NCOA7: variants seen among roughly 807,000 people sequenced by gnomAD.
NCOA7 encodes the protein 140 kDa estrogen receptor-associated protein.
In NCOA7, 45 loss-of-function variants were observed where a neutral mutation model predicts 104.3. The observed-to-expected ratio is 0.43, with a 90% CI of 0.34 to 0.55. The LOEUF (loss-of-function observed/expected upper bound fraction) is 0.55, where lower values mean the gene tolerates loss of function less well. Ranked by LOEUF, NCOA7 falls within the 20% of genes least tolerant of loss-of-function variation. The probability of loss-of-function intolerance (pLI) is 0.02; values close to 1 mark genes in which losing one functional copy is unlikely to be tolerated. For synonymous variants in NCOA7, 398 were observed against 402.3 expected (o/e 0.99, Z 0.13); for missense variants, 1,041 against 1,119.7 (o/e 0.93, Z 1.00).
In NCOA7 at chr6:125,919,290, G is replaced by A. The variant is rs766820949; in HGVS notation, c.2245-1653G>A. The A allele has an allele frequency of 2.5e-6, 4 of 1,612,358 alleles. No individual in the cohort carries two copies. In the South Asian group the frequency reaches 3.3e-5, roughly 13 times the overall value. ...CAGCGTGGCTACAAGTAACTGTGGTGTGGAAGCAGAGTAGAGAGAAAACTT... is the reference window on the plus strand; with the variant it reads ...CAGCGTGGCTACAAGTAACTGTGGTATGGAAGCAGAGTAGAGAGAAAACTT... On this transcript the variant is annotated intron_variant, in intron 11 of 15. Coordinates refer to ENST00000392477, the MANE Select transcript of NCOA7 (RefSeq NM_181782.5).
Position 125,889,437 on chromosome 6 carries a change from G to T in NCOA7, c.1383G>T (p.Met461Ile), listed in dbSNP as rs748195604. ...AAATAAACAATTCTGCCGTGGAAAT[G>T]CAGGTGCAGTCAGCCCTAGCCTTTT... ...ESQINNSAVE[M>I]QVQSALAFLG... The change falls in exon 9 of 16, where the codon ATG becomes ATT. Residue 461 changes from methionine to isoleucine, a missense_variant. Met to Ile is a conservative substitution (Grantham distance 10). Coordinates refer to ENST00000392477, the MANE Select transcript of NCOA7 (RefSeq NM_181782.5). 1.9e-6 allele frequency: 3 copies of T among 1,613,904 alleles called. No individual in the cohort carries two copies. The African/African-American group carries it at 4.0e-5, about 22-fold the overall frequency.
chr6:125,852,500 A>AT, intron 2 of NCOA7, among the ~76,000 whole-genome samples: 1 of 152,000 alleles, frequency 6.6e-6, no homozygotes, highest in Non-Finnish European at 1.5e-5. Flanking sequence ...GCCCAGAAGA[A>AT]TTTTTACTAG....
chr6:125,912,736 A>G (rs952825564), intron 10 of NCOA7, among the ~76,000 whole-genome samples: 1 of 152,206 alleles, frequency 6.6e-6, no homozygotes, highest in Non-Finnish European at 1.5e-5. Flanking sequence ...GCAAGTCTAG[A>G]CACATTCCAA....
chr6:125,826,492 A>AT (rs1365651453), intron 2 of NCOA7, among the ~76,000 whole-genome samples: 2 of 151,960 alleles, frequency 1.3e-5, no homozygotes, highest in Non-Finnish European at 2.9e-5. Flanking sequence ...AATAATGACC[A>AT]TTTTGGTTTT....
intron 1 of NCOA7, among the ~76,000 whole-genome samples, chr6:125,800,632 C>G (rs1424320300): frequency 6.6e-6 from 1 of 152,178 alleles, no homozygotes; most frequent in African/African-American, 2.4e-5. Flanking sequence ...TGTTAGTGTA[C>G]ATAACTCTGC....
intron 2 of NCOA7, among the ~76,000 whole-genome samples, chr6:125,831,847 A>G (rs965613941): frequency 6.6e-6 from 1 of 152,198 alleles, no homozygotes; most frequent in African/African-American, 2.4e-5. Flanking sequence ...CTGTTCCTAT[A>G]GACTTCTGTC....
upstream of NCOA7, among the ~76,000 whole-genome samples, chr6:125,789,659 G>T (rs1774650921): frequency 6.6e-6 from 1 of 152,022 alleles, no homozygotes; most frequent in Non-Finnish European, 1.5e-5. Context: ...AAATTAATAC[G>T]TGCTTAGTGC....
chr6:125,838,672 A>G (rs1345139175), intron 2 of NCOA7, among the ~76,000 whole-genome samples: 1 of 152,148 alleles, frequency 6.6e-6, no homozygotes, highest in Non-Finnish European at 1.5e-5. Flanking sequence ...AACTTCTCAG[A>G]GTTAGCCTCA....
Position 125,878,335 on chromosome 6 carries a change from A to G in NCOA7, c.424A>G (p.Asn142Asp), listed in dbSNP as rs769189920. 1.2e-6 allele frequency: 2 copies of G among 1,612,786 alleles called. No individual in the cohort carries two copies. The highest frequency in any genetic ancestry group is 1.7e-6 in the Non-Finnish European group (2 of 1,179,370). ...CACTCCCAATAAATTGGTGGAACTGAATAAACTTTTCACACATACTATTGT... is the reference window on the plus strand; with the variant it reads ...CACTCCCAATAAATTGGTGGAACTGGATAAACTTTTCACACATACTATTGT... ...NITPNKLVEL[N>D]KLFTHTIVPG... The change falls in exon 5 of 16, where the codon AAT (asparagine) becomes GAT (aspartate). Residue 142 changes from asparagine to aspartate, a missense_variant. By Grantham distance (23) the Asn-to-Asp change is conservative. Coordinates refer to ENST00000392477, the MANE Select transcript of NCOA7 (RefSeq NM_181782.5).
intron 2 of NCOA7, among the ~76,000 whole-genome samples, chr6:125,839,308 G>T (rs976715355): frequency 6.6e-6 from 1 of 152,046 alleles, no homozygotes; most frequent in African/African-American, 2.4e-5. Context: ...AGTAGAGATG[G>T]GGTTTCACCA....
At chr6:125,897,160 GTA>G (rs926898297) in intron 10 of NCOA7, among the ~76,000 whole-genome samples, 1 of 152,234 alleles carries the variant, frequency 6.6e-6, no homozygotes, top group African/African-American at 2.4e-5. Context: ...TATGTTGCGT[GTA>G]TATACCTGAT....
intron 1 of NCOA7, among the ~76,000 whole-genome samples, chr6:125,791,755 A>G (rs1364706355): frequency 2.0e-5 from 3 of 152,140 alleles, no homozygotes; most frequent in Non-Finnish European, 4.4e-5. Context: ...ATTCTGCTGG[A>G]AAGATGTACC....
Position 125,855,106 on chromosome 6 carries a change from A to G in NCOA7, c.137A>G (p.Asn46Ser). The change falls in exon 3 of 16, where the codon AAT (asparagine) becomes AGT (serine). Residue 46 changes from asparagine to serine, a missense_variant. Asn to Ser is a conservative substitution (Grantham distance 46). Transcript: ENST00000392477. The stretch of plus-strand genomic sequence containing the variant: ...ACTCATACTGGGAAGGAAGATAATA[A>G]TACAGTAGTTTTAGAGCCAGACAAG... ...TRTHTGKEDN[N>S]TVVLEPDKCN... 1 of 1,613,448 alleles carries G rather than the reference A, an allele frequency of 6.2e-7. No individual in the cohort carries two copies. Among genetic ancestry groups the G allele is most frequent in the South Asian group, 1.1e-5 (1 of 91,076 alleles).
chr6:125,916,297 G>A (rs377559504), intron 11 of NCOA7, among the ~76,000 whole-genome samples: 7 of 152,152 alleles, frequency 4.6e-5, no homozygotes, highest in Admixed American at 4.6e-4. Flanking sequence ...CAGCTATGTG[G>A]AACTGTGAGC....
At chr6:125,897,533 C>G (rs1240616859) in intron 10 of NCOA7, among the ~76,000 whole-genome samples, 1 of 152,134 alleles carries the variant, frequency 6.6e-6, no homozygotes, top group African/African-American at 2.4e-5. Context: ...TAATAGCACA[C>G]AGTTAATTTT....
chr6:125,788,324 A>G (rs1292631649), upstream of NCOA7, among the ~76,000 whole-genome samples: 2 of 152,236 alleles, frequency 1.3e-5, no homozygotes, highest in African/African-American at 2.4e-5. Context: ...CGATTTATCT[A>G]TAAAGCCAAG....
intron 10 of NCOA7, among the ~76,000 whole-genome samples, chr6:125,896,867 T>TA (rs1785064586): frequency 6.6e-6 from 1 of 152,388 alleles, no homozygotes; most frequent in Middle Eastern, 3.4e-3. Flanking sequence ...AAAAGTATTC[T>TA]AAAGTGCTGT....
intron 13 of NCOA7, among the ~76,000 whole-genome samples, chr6:125,925,658 T>C (rs981908585): frequency 3.3e-5 from 5 of 152,242 alleles, no homozygotes; most frequent in Admixed American, 1.3e-4. Context: ...AGCAATAGAT[T>C]GTTATGATTA....
rs1683156369 is a variant in NCOA7, at chr6:125,802,277, G to A, written c.-65+11210G>A. 3 of 152,138 alleles carry A rather than the reference G, an allele frequency of 2.0e-5. No individual in the cohort carries two copies. In the South Asian group the frequency reaches 6.2e-4, roughly 32 times the overall value. 9.4% of individuals were successfully genotyped at this position (152,138 alleles called of 1,614,324 possible). A position where few individuals can be genotyped will look rare whatever the true frequency, so the allele number is the denominator to read the frequency against. ...CATAATTGTCTCCAAACCGCAGTGG[G>A]TTATATACACAAATATGTATTTCAC... On this transcript the variant is annotated intron_variant, in intron 1 of 15. Coordinates refer to ENST00000392477, the MANE Select transcript of NCOA7 (RefSeq NM_181782.5).
Sources: allele counts gnomAD v4.1 joint callset (sites outside exome capture counted in the v4.1 genomes callset), GRCh38; gene constraint gnomAD v4.1.1; transcripts MANE v1.5; gene names NCBI Gene and HGNC (gene_info 2026-07-23, HGNC 2026-07-21).